HECW2: variants seen among roughly 807,000 people sequenced by gnomAD.
HECW2 encodes HECT, C2 and WW domain containing E3 ubiquitin protein ligase 2.
A neutral mutation model predicts 175.2 loss-of-function variants in HECW2; 61 were observed. The observed-to-expected ratio is 0.35, with a 90% CI of 0.28 to 0.43. HECW2 has a LOEUF of 0.43. Among genes scored for constraint, HECW2 ranks in the 20% least tolerant of loss-of-function variants. The pLI is 1.00. For synonymous variants in HECW2, 671 were observed against 731.0 expected (o/e 0.92, Z 1.32); for missense variants, 1,524 against 2,000.5 (o/e 0.76, Z 4.54).
chr2:196,419,193 C>T (rs1197541076), intron 2 of HECW2, among the ~76,000 whole-genome samples: 5 of 151,994 alleles, frequency 3.3e-5, no homozygotes, highest in East Asian at 1.9e-4. Context: ...ACTGAGACAG[C>T]GATATTATAA....
intron 13 of HECW2, among the ~76,000 whole-genome samples, chr2:196,301,725 GTTT>G (rs377063164): frequency 0.26 from 29,414 of 112,766 alleles, 3,011 homozygotes; most frequent in African/African-American, 0.33. Context: ...TAATGGGATT[GTTT>G]TTTTTTTTTT....
At chr2:196,415,826 C>A (rs1217468743) in intron 2 of HECW2, among the ~76,000 whole-genome samples, 3 of 151,952 alleles carry the variant, frequency 2.0e-5, no homozygotes, top group Admixed American at 2.0e-4. Flanking sequence ...AGTGTCACAG[C>A]CAATGAAGAA....
At chr2:196,403,411 G>A (rs1217414037) in intron 2 of HECW2, among the ~76,000 whole-genome samples, 2 of 152,152 alleles carry the variant, frequency 1.3e-5, no homozygotes. Context: ...TCCAGGGAAA[G>A]GTAGGATCTG....
chr2:196,560,009 T>C (rs879670395), intron 1 of HECW2, among the ~76,000 whole-genome samples: 2 of 152,190 alleles, frequency 1.3e-5, no homozygotes, highest in Admixed American at 1.3e-4. Context: ...ATGAAAATGA[T>C]TTCCAGAGCT....
chr2:196,197,432 C>T lies in HECW2; in HGVS notation c.*3845G>A, dbSNP rs533164603. On this transcript the variant is annotated 3_prime_UTR_variant, in exon 29 of 29. Transcript: ENST00000644978. The stretch of plus-strand genomic sequence containing the variant: ...TCCATTATCTTGTTTCCAAATAATA[C>T]TTGAGAAAATTAAATGACTATTCTG... 6.6e-6 allele frequency: 1 copy of T among 151,690 alleles called. No homozygotes were observed. The highest frequency in any genetic ancestry group is 1.5e-5 in the Non-Finnish European group (1 of 67,970). 9.4% of individuals were successfully genotyped at this position (151,690 alleles called of 1,614,324 possible). A position where few individuals can be genotyped will look rare whatever the true frequency, so the allele number is the denominator to read the frequency against.
chr2:196,249,575 T>C (rs1688781879), intron 19 of HECW2, among the ~76,000 whole-genome samples: 3 of 151,528 alleles, frequency 2.0e-5, no homozygotes, highest in Admixed American at 6.5e-5. Context: ...GGTGAAATTA[T>C]AGTCACAAGG....
chr2:196,228,083 T>C lies in HECW2; in HGVS notation c.3917+19A>G, dbSNP rs761512834. ...ATAGGAAATCGCCTGAAGAAAAGTG[T>C]TGGGGAAAAAATACTTACCATTCAT... On this transcript the variant is annotated intron_variant, in intron 22 of 28. Coordinates refer to ENST00000644978, the MANE Select transcript of HECW2 (RefSeq NM_001348768.2). The C allele has an allele frequency of 2.0e-6, 3 of 1,505,586 alleles. No individual in the cohort carries two copies. The highest frequency in any genetic ancestry group is 2.7e-6 in the Non-Finnish European group (3 of 1,124,268). 93.3% of individuals were successfully genotyped at this position (1,505,586 alleles called of 1,614,324 possible).
intron 1 of HECW2, among the ~76,000 whole-genome samples, chr2:196,523,359 C>T (rs1048928450): frequency 4.6e-5 from 7 of 151,886 alleles, no homozygotes; most frequent in Non-Finnish European, 8.8e-5. Context: ...TGCTTATCAG[C>T]TTAAGGAGAT....
intron 2 of HECW2, chr2:196,361,988 G>A: frequency 1.0e-6 from 1 of 985,360 alleles, no homozygotes; most frequent in Non-Finnish European, 1.2e-6. Context: ...TTCTAAGGTG[G>A]CTGTGAAAGC....
chr2:196,422,818 G>C (rs961238577), intron 2 of HECW2, among the ~76,000 whole-genome samples: 3 of 152,034 alleles, frequency 2.0e-5, no homozygotes, highest in Non-Finnish European at 4.4e-5. Context: ...AAAGAACTTA[G>C]GATCGGGCAC....
chr2:196,546,932 A>T (rs1689444946), intron 1 of HECW2, among the ~76,000 whole-genome samples: 1 of 152,204 alleles, frequency 6.6e-6, no homozygotes, highest in Admixed American at 6.5e-5. Flanking sequence ...ACAACTGCAG[A>T]GAAAGAGGAG....
chr2:196,544,708 T>G (rs561261946), intron 1 of HECW2, among the ~76,000 whole-genome samples: 1 of 152,184 alleles, frequency 6.6e-6, no homozygotes, highest in African/African-American at 2.4e-5. Flanking sequence ...GCTGGCCAGA[T>G]GACAGGTCCA....
intron 1 of HECW2, among the ~76,000 whole-genome samples, chr2:196,558,599 A>G (rs1689887363): frequency 6.6e-6 from 1 of 152,240 alleles, no homozygotes; most frequent in African/African-American, 2.4e-5. Context: ...TGTTTTAAGC[A>G]CGTAGTCCCT....
intron 2 of HECW2, among the ~76,000 whole-genome samples, chr2:196,368,404 C>T (rs1693812318): frequency 6.6e-6 from 1 of 152,170 alleles, no homozygotes. Flanking sequence ...TTTTAGCATC[C>T]TTTCTTTATC....
At chr2:196,262,594 C>G (rs1272129756) in intron 17 of HECW2, among the ~76,000 whole-genome samples, 1 of 151,290 alleles carries the variant, frequency 6.6e-6, no homozygotes, top group East Asian at 1.9e-4. Context: ...GAGATGGAGT[C>G]TCACTGTGTC....
intron 23 of HECW2, among the ~76,000 whole-genome samples, chr2:196,223,318 G>A (rs529193268): frequency 2.0e-5 from 3 of 152,286 alleles, no homozygotes; most frequent in African/African-American, 7.2e-5. Flanking sequence ...AGGGATTTAG[G>A]TGTCAGAGCA....
chr2:196,495,926 A>C (rs890850902), intron 1 of HECW2, among the ~76,000 whole-genome samples: 1 of 152,200 alleles, frequency 6.6e-6, no homozygotes, highest in African/African-American at 2.4e-5. Context: ...GTAGAGGTTA[A>C]AAAAAGCAAA....
intron 2 of HECW2, among the ~76,000 whole-genome samples, chr2:196,402,897 T>C (rs9973759): frequency 0.92 from 138,766 of 151,212 alleles, 64,171 homozygotes; most frequent in East Asian, 1. Context: ...ACCTCCGCCT[T>C]CTGGGCTCAA....
chr2:196,404,819 C>CTTTTTTTTTTTTTTTTTTTT (rs71012909), intron 2 of HECW2, among the ~76,000 whole-genome samples: 2 of 80,374 alleles, frequency 2.5e-5, no homozygotes, highest in Non-Finnish European at 4.4e-5. Context: ...TTTTTCTTCT[C>CTTTTTTTTTTTTTTTTTTTT]TTTTTTTTTT....
Sources: gnomAD v4.1 joint callset for allele counts (sites outside exome capture counted in the v4.1 genomes callset) on GRCh38, gnomAD v4.1.1 for gene constraint, MANE v1.5 for transcripts, NCBI Gene and HGNC (gene_info 2026-07-23, HGNC 2026-07-21) for gene names.